AKAP12: variants seen among roughly 807,000 people sequenced by gnomAD.
The protein encoded by AKAP12 is A-kinase anchoring protein 12.
AKAP12 carries 32 observed loss-of-function variants against 79.9 expected under a neutral mutation model. The ratio of observed to expected loss-of-function variants is 0.40; its 90% CI spans 0.30 to 0.54. AKAP12 has a LOEUF of 0.54. Ranked by LOEUF, AKAP12 falls within the 20% of genes least tolerant of loss-of-function variation. The pLI, the probability that AKAP12 is intolerant of heterozygous loss-of-function variation, is 0.48. For synonymous variants in AKAP12, 808 were observed against 857.0 expected (o/e 0.94, Z 1.00); for missense variants, 2,074 against 2,177.0 (o/e 0.95, Z 0.94).
chr6:151,251,436 G>A (rs1184639916), intron 2 of AKAP12, among the ~76,000 whole-genome samples: 1 of 152,192 alleles, frequency 6.6e-6, no homozygotes, highest in Non-Finnish European at 1.5e-5. Flanking sequence ...TTCACAGTGT[G>A]GTAGTGACAT....
chr6:151,314,219 G>C (rs916753566), intron 3 of AKAP12, among the ~76,000 whole-genome samples: 2 of 151,970 alleles, frequency 1.3e-5, no homozygotes, highest in African/African-American at 4.8e-5. Context: ...TAGAGATGGG[G>C]TTTTGCCATG....
chr6:151,241,949 A>C (rs368288157), intron 2 of AKAP12, among the ~76,000 whole-genome samples: 1 of 151,804 alleles, frequency 6.6e-6, no homozygotes, highest in Non-Finnish European at 1.5e-5. Context: ...CCAGTCTTTG[A>C]TTCATAACTA....
chr6:151,329,291 T>A (rs1362430319), intron 3 of AKAP12, among the ~76,000 whole-genome samples: 1 of 152,296 alleles, frequency 6.6e-6, no homozygotes, highest in Non-Finnish European at 1.5e-5. Context: ...AATGTTTGTA[T>A]TTTTAGTAGA....
intron 2 of AKAP12, among the ~76,000 whole-genome samples, chr6:151,261,472 A>C (rs1298294667): frequency 2.0e-5 from 3 of 151,916 alleles, no homozygotes; most frequent in Non-Finnish European, 4.4e-5. Flanking sequence ...GGGTGGATCA[A>C]CTGAGGTCGG....
At chr6:151,309,987 A>G (rs1321455654) in intron 3 of AKAP12, among the ~76,000 whole-genome samples, 1 of 151,616 alleles carries the variant, frequency 6.6e-6, no homozygotes, top group Non-Finnish European at 1.5e-5. Context: ...AAAAAAAAAG[A>G]AAAAGAAAAG....
rs575044120 is a variant in AKAP12 at position 151,292,369 on chromosome 6, A to G, written c.163-13378A>G. ...GGTTTTTAGTTAAAAATCAGCAATC[A>G]GTTTAAGCAATCTGGTTCAAAGGCA... On this transcript the variant is annotated intron_variant, in intron 2 of 4. Coordinates refer to ENST00000402676, the MANE Select transcript of AKAP12 (RefSeq NM_005100.4). Among the ~76,000 whole-genome samples, 7 of 152,362 alleles carry G rather than the reference A, an allele frequency of 4.6e-5. No individual in the cohort carries two copies. The South Asian group carries it at 1.4e-3, about 32-fold the overall frequency.
At chr6:151,333,351 C>T (rs1777727367) in intron 3 of AKAP12, among the ~76,000 whole-genome samples, 1 of 152,152 alleles carries the variant, frequency 6.6e-6, no homozygotes, top group Non-Finnish European at 1.5e-5. Flanking sequence ...GCCTGCCGCC[C>T]CCACATCTTT....
intron 2 of AKAP12, among the ~76,000 whole-genome samples, chr6:151,268,398 C>T (rs1257858532): frequency 6.6e-6 from 1 of 152,070 alleles, no homozygotes; most frequent in Non-Finnish European, 1.5e-5. Context: ...GCCTGAGCAA[C>T]AAGAGTGAAA....
At chr6:151,326,355 GAACT>G (rs1471611883) in intron 3 of AKAP12, among the ~76,000 whole-genome samples, 1 of 152,034 alleles carries the variant, frequency 6.6e-6, no homozygotes, top group Non-Finnish European at 1.5e-5. Flanking sequence ...TGTTTACTAG[GAACT>G]TTGAATAAAG....
intron 2 of AKAP12, among the ~76,000 whole-genome samples, chr6:151,272,947 G>A (rs1477411666): frequency 2.0e-5 from 3 of 152,144 alleles, no homozygotes; most frequent in African/African-American, 7.2e-5. Context: ...ACAGAGTCTT[G>A]CTCTGGCTGG....
intron 3 of AKAP12, among the ~76,000 whole-genome samples, chr6:151,338,305 C>T (rs1031523728): frequency 6.6e-6 from 1 of 152,046 alleles, no homozygotes; most frequent in Non-Finnish European, 1.5e-5. Flanking sequence ...TTTGTGTTGT[C>T]GTGTCTTTTT....
rs534040394 is a variant in AKAP12 at position 151,264,716 on chromosome 6, T to C, written c.162+23992T>C. On this transcript the variant is annotated intron_variant, in intron 2 of 4. Transcript: ENST00000402676. ...AAAGATAAATAGTATGATGTAAAAA[T>C]TCATATTAGAGGTACATTTTTAGGT... is the stretch of plus-strand genomic sequence containing the variant. 2.6e-5 allele frequency among the ~76,000 whole-genome samples: 4 copies of C among 151,742 alleles called. No homozygotes were observed. In the East Asian group the frequency reaches 7.7e-4, roughly 29 times the overall value.
intron 2 of AKAP12, among the ~76,000 whole-genome samples, chr6:151,292,699 AAACTTCTGTCTCC>A (rs1237797196): frequency 6.6e-6 from 1 of 152,228 alleles, no homozygotes; most frequent in Non-Finnish European, 1.5e-5. Context: ...AGTTTGGAGT[AAACTTCTGTCTCC>A]ACCTCCCTGT....
At chr6:151,263,475 A>T (rs1403965349) in intron 2 of AKAP12, among the ~76,000 whole-genome samples, 1 of 152,222 alleles carries the variant, frequency 6.6e-6, no homozygotes, top group Admixed American at 6.5e-5. Flanking sequence ...ATCCATGCAA[A>T]ACTGGTTGTT....
chr6:151,266,350 A>C (rs1334259139), intron 2 of AKAP12, among the ~76,000 whole-genome samples: 1 of 152,048 alleles, frequency 6.6e-6, no homozygotes, highest in Non-Finnish European at 1.5e-5. Flanking sequence ...AATATTTTTC[A>C]AACTTAGATA....
intron 3 of AKAP12, chr6:151,319,839 C>A: frequency 6.5e-6 from 1 of 153,824 alleles, no homozygotes. Context: ...AGTAGCTGCG[C>A]TCCCCTGCTA....
chr6:151,240,928 G>T (rs919720769), intron 2 of AKAP12, among the ~76,000 whole-genome samples: 1 of 152,094 alleles, frequency 6.6e-6, no homozygotes, highest in Non-Finnish European at 1.5e-5. Context: ...CGAGCGCGGC[G>T]GGGGGCTTGC....
chr6:151,255,583 A>T (rs1797276412), intron 2 of AKAP12, among the ~76,000 whole-genome samples: 1 of 152,048 alleles, frequency 6.6e-6, no homozygotes, highest in Non-Finnish European at 1.5e-5. Context: ...GGGTCACTCA[A>T]GCCCAGGAGT....
At chr6:151,279,465 A>G (rs1224810264) in intron 2 of AKAP12, among the ~76,000 whole-genome samples, 1 of 152,074 alleles carries the variant, frequency 6.6e-6, no homozygotes, top group Non-Finnish European at 1.5e-5. Flanking sequence ...GTGTATTTAT[A>G]TACAACTCTC....
Sources: gnomAD v4.1 joint callset for allele counts (sites outside exome capture counted in the v4.1 genomes callset) on GRCh38, gnomAD v4.1.1 for gene constraint, MANE v1.5 for transcripts, NCBI Gene and HGNC (gene_info 2026-07-23, HGNC 2026-07-21) for gene names.